NPEPPS: variants seen among roughly 807,000 people sequenced by gnomAD.
NPEPPS encodes puromycin-sensitive aminopeptidase.
A neutral mutation model predicts 115.5 loss-of-function variants in NPEPPS; 14 were observed. That is an observed-to-expected ratio of 0.12 (90% confidence interval 0.08 to 0.19). The LOEUF (loss-of-function observed/expected upper bound fraction) is 0.19, where lower values mean the gene tolerates loss of function less well. Ranked by LOEUF, NPEPPS falls within the 10% of genes least tolerant of loss-of-function variation. The pLI is 1.00. For synonymous variants in NPEPPS, 285 were observed against 390.6 expected (o/e 0.73, Z 3.19); for missense variants, 523 against 1,110.8 (o/e 0.47, Z 7.52).
intron 2 of NPEPPS, among the ~76,000 whole-genome samples, chr17:47,548,898 G>A (rs1208152883): frequency 4.6e-5 from 7 of 152,042 alleles, no homozygotes. Context: ...TTGAATATGC[G>A]TAACCGAATG....
intron 2 of NPEPPS, among the ~76,000 whole-genome samples, chr17:47,548,029 A>AAAAT (rs910811711): frequency 1.6e-4 from 24 of 152,196 alleles, no homozygotes; most frequent in Non-Finnish European, 1.5e-5. Flanking sequence ...CCGTCTCAAA[A>AAAAT]AAATAAATAA....
At chr17:47,618,291 C>A in intron 19 of NPEPPS, 59 bp from the exon 20 acceptor site, 2 of 1,122,242 alleles carry the variant, frequency 1.8e-6, no homozygotes, top group East Asian at 2.4e-5. Flanking sequence ...CTCATATAAT[C>A]ATATGCAGAA....
At chr17:47,615,494 C>T (rs1914147235) in intron 19 of NPEPPS, among the ~76,000 whole-genome samples, 1 of 152,128 alleles carries the variant, frequency 6.6e-6, no homozygotes, top group African/African-American at 2.4e-5. Flanking sequence ...GAGTTCAAGG[C>T]TGCAGGGAGC....
chr17:47,559,743 CTCTTG>C (rs560180833), intron 2 of NPEPPS: 20,011 of 439,924 alleles, frequency 0.045, 641 homozygotes, highest in Middle Eastern at 0.1. Context: ...TTACTCAAGC[CTCTTG>C]TCTTGTCTTG....
At chr17:47,552,977 T>C (rs931709459) in intron 2 of NPEPPS, among the ~76,000 whole-genome samples, 8 of 152,136 alleles carry the variant, frequency 5.3e-5, no homozygotes, top group Non-Finnish European at 1.0e-4. Flanking sequence ...CTAGGGTCCA[T>C]GTACTTGCCA....
chr17:47,531,621 G>C, intron 1 of NPEPPS, 66 bp downstream of exon 1: 2 of 1,491,784 alleles, frequency 1.3e-6, no homozygotes, highest in Non-Finnish European at 8.9e-7. Flanking sequence ...CCGCGGGCTG[G>C]ACTCAGGGCC....
chr17:47,596,362 G>T lies in NPEPPS; in HGVS notation c.1436G>T (p.Trp479Leu), dbSNP rs1356381033. 1 of 1,564,822 alleles carries T rather than the reference G, an allele frequency of 6.4e-7. No individual in the cohort carries two copies. Among genetic ancestry groups the T allele is most frequent in the South Asian group, 1.2e-5 (1 of 83,614 alleles). Reference sequence around the variant, plus strand: ...ATTGTTTATCTTCTAGAGGATCTCTGGGAAAGTTTAGAAAATGCTAGTGGT... The same window carrying T: ...ATTGTTTATCTTCTAGAGGATCTCTTGGAAAGTTTAGAAAATGCTAGTGGT... ...QQKNAATEDL[W>L]ESLENASGKP... Residue 479 changes from tryptophan to leucine, a missense_variant, in exon 13 of 23, where the codon TGG (tryptophan) becomes TTG (leucine). Transcript: ENST00000322157.
chr17:47,607,024 C>T (rs1207946004), intron 17 of NPEPPS, among the ~76,000 whole-genome samples: 2 of 151,880 alleles, frequency 1.3e-5, no homozygotes, highest in Admixed American at 1.3e-4. Flanking sequence ...GAAACCCCGT[C>T]TCTACTAAAA....
chr17:47,609,318 T>C (rs183047749), intron 17 of NPEPPS, among the ~76,000 whole-genome samples: 3 of 152,268 alleles, frequency 2.0e-5, no homozygotes, highest in Non-Finnish European at 2.9e-5. Flanking sequence ...CAGATGCAGG[T>C]AAATTAATGG....
intron 1 of NPEPPS, among the ~76,000 whole-genome samples, chr17:47,539,659 C>CT (rs987511427): frequency 1.3e-5 from 2 of 152,102 alleles, no homozygotes; most frequent in Non-Finnish European, 2.9e-5. Flanking sequence ...TAGTTTAAAA[C>CT]TTTAATTGCA....
intron 9 of NPEPPS, among the ~76,000 whole-genome samples, chr17:47,589,550 C>T (rs1262812951): frequency 3.3e-5 from 5 of 152,152 alleles, no homozygotes; most frequent in African/African-American, 1.2e-4. Flanking sequence ...CAGGAGCAAG[C>T]CATTGTGCCT....
intron 20 of NPEPPS, among the ~76,000 whole-genome samples, chr17:47,618,755 A>G (rs1914362402): frequency 6.6e-6 from 1 of 152,200 alleles, no homozygotes. Flanking sequence ...TTCCTTTCTT[A>G]AACCTATAGG....
intron 14 of NPEPPS, 35 bp downstream of exon 14, chr17:47,599,774 G>T: frequency 6.7e-7 from 1 of 1,493,776 alleles, no homozygotes; most frequent in Non-Finnish European, 9.1e-7. Context: ...TATGATTGAT[G>T]AATTTGGATA....
intron 12 of NPEPPS, among the ~76,000 whole-genome samples, chr17:47,593,035 T>C (rs752410421): frequency 2.0e-5 from 3 of 152,214 alleles, no homozygotes; most frequent in Non-Finnish European, 4.4e-5. Flanking sequence ...GAAATGCTCA[T>C]TGGAACATTT....
At chr17:47,608,453 C>CAAAAAAA in intron 17 of NPEPPS, among the ~76,000 whole-genome samples, 1 of 79,164 alleles carries the variant, frequency 1.3e-5, no homozygotes, top group Non-Finnish European at 2.4e-5. Context: ...GACTCCGTCT[C>CAAAAAAA]AAAAAAAAAA....
chr17:47,523,569 C>T (rs1186173391), intron 1 of NPEPPS, among the ~76,000 whole-genome samples: 2 of 152,016 alleles, frequency 1.3e-5, no homozygotes, highest in Non-Finnish European at 2.9e-5. Flanking sequence ...TACAGGCACC[C>T]GCCACCACAC....
At chr17:47,576,541 T>G (rs1911534041) in intron 3 of NPEPPS, among the ~76,000 whole-genome samples, 1 of 152,214 alleles carries the variant, frequency 6.6e-6, no homozygotes. Context: ...TTTATTCCCT[T>G]TTTGTATAAA....
chr17:47,570,629 A>T (rs540870182), intron 3 of NPEPPS, among the ~76,000 whole-genome samples: 1 of 152,394 alleles, frequency 6.6e-6, no homozygotes, highest in African/African-American at 2.4e-5. Flanking sequence ...AGCTTAGTGT[A>T]TGTGGAAGAA....
intron 19 of NPEPPS, among the ~76,000 whole-genome samples, chr17:47,613,979 A>AT (rs113187043): frequency 0.014 from 1,937 of 141,288 alleles, 26 homozygotes; most frequent in African/African-American, 0.036. Context: ...TCTTATTATT[A>AT]TTTTTTTTTT....
Sources: allele counts gnomAD v4.1 joint callset (sites outside exome capture counted in the v4.1 genomes callset), GRCh38; gene constraint gnomAD v4.1.1; transcripts MANE v1.5; gene names NCBI Gene and HGNC (gene_info 2026-07-23, HGNC 2026-07-21).